Variants in PRKN observed in about 807,000 individuals in gnomAD.
PRKN encodes parkin RBR E3 ubiquitin protein ligase.
A neutral mutation model predicts 59.5 loss-of-function variants in PRKN; 56 were observed. The ratio of observed to expected loss-of-function variants is 0.94; its 90% CI spans 0.76 to 1.18. The LOEUF is 1.18. Among genes scored for constraint, PRKN ranks in the 50% most tolerant of loss-of-function variants. The pLI is 0.00. For missense variants in PRKN, 657 were observed against 596.4 expected (o/e 1.10, Z -1.06); for synonymous variants, 250 against 222.1 (o/e 1.13, Z -1.12).
At chr6:162,481,040 C>T (rs139859155) in intron 1 of PRKN, among the ~76,000 whole-genome samples, 6 of 152,156 alleles carry the variant, frequency 3.9e-5, no homozygotes, top group African/African-American at 1.4e-4. Context: ...GCCAGCTTGT[C>T]CCAAACTCCT....
intron 1 of PRKN, among the ~76,000 whole-genome samples, chr6:162,588,621 G>T (rs571725825): frequency 6.6e-6 from 1 of 151,936 alleles, no homozygotes; most frequent in Non-Finnish European, 1.5e-5. Flanking sequence ...GCGCCATCTC[G>T]GCTCACTGCA....
rs1447444521 is a variant in PRKN at position 161,423,061 on chromosome 6, G to T, written c.1084-36184C>A. On this transcript the variant is annotated intron_variant, in intron 9 of 11. Coordinates refer to ENST00000366898, the MANE Select transcript of PRKN (RefSeq NM_004562.3). The surrounding 1 kb of genome is among the most constrained non-coding windows in gnomAD (Gnocchi z 5.9). ...TCCATTTACATGTCAGTATCGTAGT[G>T]AGAAATGCACGCACTATGAGAAGGC... Among the ~76,000 whole-genome samples, 1 of 152,168 alleles carries T rather than the reference G, an allele frequency of 6.6e-6. No homozygotes were observed. Among genetic ancestry groups the T allele is most frequent in the Non-Finnish European group, 1.5e-5 (1 of 68,038 alleles).
At chr6:162,479,755 C>T (rs1327616382) in intron 1 of PRKN, among the ~76,000 whole-genome samples, 6 of 88,680 alleles carry the variant, frequency 6.8e-5, no homozygotes, top group Admixed American at 5.9e-4. Context: ...TTACAGTTAT[C>T]TGTTTTTTTT....
intron 7 of PRKN, among the ~76,000 whole-genome samples, chr6:161,733,797 T>TATATATATATATATATATATATATATAC (rs58765166): frequency 2.4e-5 from 2 of 82,008 alleles, no homozygotes; most frequent in African/African-American, 8.2e-5. Flanking sequence ...TATATATATA[T>TATATATATATATATATATATATATATAC]GTATATATAT....
At chr6:162,551,435 A>C (rs961312544) in intron 1 of PRKN, among the ~76,000 whole-genome samples, 1 of 152,232 alleles carries the variant, frequency 6.6e-6, no homozygotes, top group Non-Finnish European at 1.5e-5. Flanking sequence ...AGTTATTCAG[A>C]GATTTCTTTT....
chr6:161,683,782 C>T (rs527804575), intron 7 of PRKN, among the ~76,000 whole-genome samples: 11 of 152,186 alleles, frequency 7.2e-5, no homozygotes, highest in Admixed American at 5.2e-4. Flanking sequence ...TGTGGTGAGA[C>T]GGGCATTATA....
Position 161,393,896 on chromosome 6 carries a change from C to A in PRKN, c.1084-7019G>T, listed in dbSNP as rs1308719095. On this transcript the variant is annotated intron_variant, in intron 9 of 11. Coordinates refer to ENST00000366898, the MANE Select transcript of PRKN (RefSeq NM_004562.3). The surrounding 1 kb of genome is among the most constrained non-coding windows in gnomAD (Gnocchi z 4.7). ...AGAGAATCAAATACCATCTTAGGAC[C>A]CCTTACTAGAGTCAAGGCAAACATC... 1.3e-5 allele frequency among the ~76,000 whole-genome samples: 2 copies of A among 152,060 alleles called. No homozygotes were observed. The highest frequency in any genetic ancestry group is 4.8e-5 in the African/African-American group (2 of 41,382).
At chr6:161,728,574 A>G (rs564849387) in intron 7 of PRKN, among the ~76,000 whole-genome samples, 1 of 152,342 alleles carries the variant, frequency 6.6e-6, no homozygotes, top group Non-Finnish European at 1.5e-5. Context: ...GTTTTACACA[A>G]TCACATAATA....
chr6:162,335,836 G>T (rs1783820374), intron 2 of PRKN, among the ~76,000 whole-genome samples: 1 of 151,870 alleles, frequency 6.6e-6, no homozygotes, highest in Non-Finnish European at 1.5e-5. Context: ...AGTGAAGCGA[G>T]GGTGGCCAAC....
chr6:162,546,688 C>T (rs1291375673), intron 1 of PRKN, among the ~76,000 whole-genome samples: 1 of 152,094 alleles, frequency 6.6e-6, no homozygotes, highest in Non-Finnish European at 1.5e-5. Flanking sequence ...AGGTGATCCA[C>T]CCTCCTCGGC....
rs114623929 is a variant in PRKN at position 162,222,204 on chromosome 6, T to C, written c.413-20952A>G. On this transcript the variant is annotated intron_variant, in intron 3 of 11. Coordinates refer to ENST00000366898, the MANE Select transcript of PRKN (RefSeq NM_004562.3). ...TCGCCTTGAGTGCAGGTGGCACCTG[T>C]AAAAATGATCAGATATCCTCCTATT... 5.1e-3 allele frequency among the ~76,000 whole-genome samples: 773 copies of C among 152,234 alleles called. 11 individuals are homozygous for C. The highest frequency in any genetic ancestry group is 0.018 in the African/African-American group (748 of 41,538).
intron 2 of PRKN, among the ~76,000 whole-genome samples, chr6:162,395,345 A>T (rs1787422359): frequency 6.6e-6 from 1 of 152,198 alleles, no homozygotes; most frequent in South Asian, 2.1e-4. Context: ...GAACACAGAC[A>T]CTGTCCTGCA....
At chr6:161,660,153 A>C (rs1467618027) in intron 7 of PRKN, among the ~76,000 whole-genome samples, 2 of 152,120 alleles carry the variant, frequency 1.3e-5, no homozygotes, top group Non-Finnish European at 2.9e-5. Flanking sequence ...AATATTACTT[A>C]ATTAGAAGGG....
At position 162,026,220 on chromosome 6, in the gene PRKN, T is replaced by C. The variant is rs1164434567; in HGVS notation, c.618+27871A>G. On this transcript the variant is annotated intron_variant, in intron 5 of 11. Transcript: ENST00000366898. ...ACTCCGTGAAGACAGAGAACTCTTA[T>C]ATGTATTCGCGTATTCATAGACACA... 2.6e-5 allele frequency among the ~76,000 whole-genome samples: 4 copies of C among 152,228 alleles called. No individual in the cohort carries two copies. The East Asian group carries it at 5.8e-4, about 22-fold the overall frequency.
chr6:162,363,512 C>T (rs978906080), intron 2 of PRKN, among the ~76,000 whole-genome samples: 5 of 152,086 alleles, frequency 3.3e-5, no homozygotes, highest in Non-Finnish European at 7.4e-5. Flanking sequence ...AACTATAAAT[C>T]CAAACTTGAC....
At chr6:162,538,825 G>C (rs777611863) in intron 1 of PRKN, among the ~76,000 whole-genome samples, 8 of 152,300 alleles carry the variant, frequency 5.3e-5, no homozygotes, top group South Asian at 4.1e-4. Flanking sequence ...CTGGGGAAAA[G>C]GCACATTAAA....
intron 1 of PRKN, among the ~76,000 whole-genome samples, chr6:162,529,100 C>A (rs892400457): frequency 4.6e-5 from 7 of 152,126 alleles, no homozygotes; most frequent in African/African-American, 1.4e-4. Context: ...TCTCGAATTC[C>A]TGTCCTCAAG....
intron 7 of PRKN, among the ~76,000 whole-genome samples, chr6:161,640,326 T>C (rs2315548): frequency 0.66 from 99,768 of 151,818 alleles, 34,112 homozygotes; most frequent in African/African-American, 0.85. Context: ...CTAAAACATA[T>C]ACAGATAAAG....
intron 6 of PRKN, among the ~76,000 whole-genome samples, chr6:161,830,538 C>A (rs1328880155): frequency 2.0e-5 from 3 of 152,170 alleles, no homozygotes; most frequent in East Asian, 3.9e-4. Context: ...AGGCGTGAGC[C>A]CCCGCACCCG....
Sources: allele counts gnomAD v4.1 joint callset (sites outside exome capture counted in the v4.1 genomes callset), GRCh38; gene constraint gnomAD v4.1.1; non-coding constraint Gnocchi (gnomAD v3.1); transcripts MANE v1.5; gene names NCBI Gene and HGNC (gene_info 2026-07-23, HGNC 2026-07-21).